Variants in RALYL observed in about 807,000 individuals in gnomAD.
The protein encoded by RALYL is RALY RNA binding protein like.
RALYL carries 29 observed loss-of-function variants against 35.1 expected under a neutral mutation model. That is an observed-to-expected ratio of 0.83 (90% confidence interval 0.61 to 1.13). The LOEUF (loss-of-function observed/expected upper bound fraction) is 1.13, where lower values mean the gene tolerates loss of function less well. Ranked by LOEUF, RALYL falls within the 50% of genes most tolerant of loss-of-function variation. RALYL has a pLI of 0.00. For missense variants in RALYL, 359 were observed against 360.4 expected, an observed-to-expected ratio of 1.00 and a Z score of 0.03; for synonymous variants, 120 against 127.6, an observed-to-expected ratio of 0.94 and a Z score of 0.40.
In RALYL at chr8:84,568,846, C is replaced by T. The variant is rs1357130788; in HGVS notation, c.256+39269C>T. ...ATGTGTTTTTTGGCTGCATAAATGT[C>T]TTCTTTTGAGAAGTGTCTGTTCATA... is the stretch of plus-strand genomic sequence containing the variant. On this transcript the variant is annotated intron_variant, in intron 2 of 8. Transcript: ENST00000521268. 1.7e-3 allele frequency among the ~76,000 whole-genome samples: 260 copies of T among 151,338 alleles called. 1 individual carries two copies. The highest frequency in any genetic ancestry group is 3.4e-3 in the Middle Eastern group (1 of 292).
chr8:84,565,211 G>T (rs141094902), intron 2 of RALYL, among the ~76,000 whole-genome samples: 16 of 151,604 alleles, frequency 1.1e-4, no homozygotes, highest in Admixed American at 9.9e-4. Context: ...AGATTAATTA[G>T]CTAATACTAT....
At chr8:84,625,003 G>C (rs1277833047) in intron 2 of RALYL, among the ~76,000 whole-genome samples, 3 of 152,130 alleles carry the variant, frequency 2.0e-5, no homozygotes, top group Admixed American at 6.5e-5. Context: ...AAGTCACAGA[G>C]TACACAGAAA....
At chr8:84,681,254 C>T (rs568728798) in intron 2 of RALYL, among the ~76,000 whole-genome samples, 2 of 152,140 alleles carry the variant, frequency 1.3e-5, no homozygotes, top group Non-Finnish European at 2.9e-5. Context: ...GTTCCCGTAG[C>T]CTTGTAGTAT....
chr8:84,770,406 T>TCATATATATATACATATATATATATA (rs550466476), intron 2 of RALYL, among the ~76,000 whole-genome samples: 23 of 150,172 alleles, frequency 1.5e-4, no homozygotes, highest in South Asian at 2.1e-4. Context: ...TAGTAGTCCA[T>TCATATATATATACATATATATATATA]CATATATATA....
chr8:84,532,457 T>C (rs2059337526), intron 2 of RALYL, among the ~76,000 whole-genome samples: 1 of 152,058 alleles, frequency 6.6e-6, no homozygotes, highest in Non-Finnish European at 1.5e-5. Flanking sequence ...GATTCCCAAG[T>C]AAACTCTTTC....
chr8:84,467,176 T>G lies in RALYL; in HGVS notation c.-23-62123T>G, dbSNP rs189611123. Among the ~76,000 whole-genome samples, 662 of 152,316 alleles carry G rather than the reference T, an allele frequency of 4.3e-3. 3 individuals carry two copies. Among genetic ancestry groups the G allele is most frequent in the Non-Finnish European group, 7.2e-3 (493 of 68,026 alleles). ...GCTCTGATTTTAGTTATTTCTTGCC[T>G]TCTGCTAGCTTTTGAGTGTGTTTGC... On this transcript the variant is annotated intron_variant, in intron 1 of 8. Transcript: ENST00000521268.
intron 2 of RALYL, among the ~76,000 whole-genome samples, chr8:84,599,339 T>A (rs189350686): frequency 2.3e-3 from 350 of 152,114 alleles, no homozygotes; most frequent in African/African-American, 5.2e-3. Flanking sequence ...TTAGCATTAA[T>A]ATGTCATAGC....
intron 2 of RALYL, among the ~76,000 whole-genome samples, chr8:84,752,836 A>T (rs776736623): frequency 6.6e-6 from 1 of 152,208 alleles, no homozygotes; most frequent in Non-Finnish European, 1.5e-5. Flanking sequence ...GGATGTATGG[A>T]AAAGCCTGGA....
chr8:84,661,080 C>T (rs1048676953), intron 2 of RALYL, among the ~76,000 whole-genome samples: 6 of 152,018 alleles, frequency 3.9e-5, no homozygotes, highest in Non-Finnish European at 5.9e-5. Flanking sequence ...AGGCGCCCCC[C>T]ACCATGCCCG....
chr8:84,208,808 G>A (rs991513184), intron 1 of RALYL, among the ~76,000 whole-genome samples: 4 of 152,126 alleles, frequency 2.6e-5, no homozygotes, highest in African/African-American at 7.2e-5. Context: ...AATTTGGGAA[G>A]TTTTAAATCA....
chr8:84,446,189 T>C (rs2048833050), intron 1 of RALYL, among the ~76,000 whole-genome samples: 1 of 152,062 alleles, frequency 6.6e-6, no homozygotes, highest in Admixed American at 6.6e-5. Context: ...TCTGTTTTTC[T>C]CTGCAAACTA....
intron 5 of RALYL, 89 bp downstream of exon 5, chr8:84,850,116 G>T: frequency 1.6e-6 from 1 of 614,392 alleles, no homozygotes; most frequent in Non-Finnish European, 2.7e-6. Flanking sequence ...TCTTAATTAT[G>T]GTATTTAAAA....
chr8:84,889,295 C>T (rs1563815445), intron 8 of RALYL, among the ~76,000 whole-genome samples: 1 of 152,194 alleles, frequency 6.6e-6, no homozygotes, highest in Non-Finnish European at 1.5e-5. Context: ...TCTCTGCTGT[C>T]AGGATTCCAT....
chr8:84,740,907 CA>C (rs1807141113), intron 2 of RALYL, among the ~76,000 whole-genome samples: 1 of 151,930 alleles, frequency 6.6e-6, no homozygotes, highest in Non-Finnish European at 1.5e-5. Flanking sequence ...ACTAAAGTAC[CA>C]GGTGACATCT....
intron 3 of RALYL, among the ~76,000 whole-genome samples, chr8:84,783,737 A>G (rs752856383): frequency 6.6e-6 from 1 of 152,220 alleles, no homozygotes; most frequent in African/African-American, 2.4e-5. Flanking sequence ...GTATTTAAAA[A>G]AGAAGATGAA....
Position 84,920,932 on chromosome 8 carries a change from C to T in RALYL, c.*21C>T, listed in dbSNP as rs780150658. 7.0e-7 allele frequency: 1 copy of T among 1,429,482 alleles called. No individual in the cohort carries two copies. The highest frequency in any genetic ancestry group is 9.3e-7 in the Non-Finnish European group (1 of 1,071,188). 88.5% of individuals were successfully genotyped at this position (1,429,482 alleles called of 1,614,324 possible). On this transcript the variant is annotated 3_prime_UTR_variant, in exon 9 of 9. Transcript: ENST00000521268. Reference sequence around the variant, plus strand: ...AGTGATCTGAAATAACGCATGATGCCACAAAGCAGAAAAGAGAAACTGTGA... The same window carrying T: ...AGTGATCTGAAATAACGCATGATGCTACAAAGCAGAAAAGAGAAACTGTGA...
intron 3 of RALYL, among the ~76,000 whole-genome samples, chr8:84,796,195 A>C (rs1313798782): frequency 6.6e-6 from 1 of 152,180 alleles, no homozygotes; most frequent in African/African-American, 2.4e-5. Flanking sequence ...GCTTCTTCCC[A>C]TGCTATGCTC....
At chr8:84,656,738 C>G (rs1830027431) in intron 2 of RALYL, among the ~76,000 whole-genome samples, 1 of 151,866 alleles carries the variant, frequency 6.6e-6, no homozygotes, top group Admixed American at 6.6e-5. Flanking sequence ...AAAGCATTAT[C>G]TACCTGAGAT....
chr8:84,604,095 C>A (rs1327324219), intron 2 of RALYL, among the ~76,000 whole-genome samples: 1 of 151,990 alleles, frequency 6.6e-6, no homozygotes, highest in Non-Finnish European at 1.5e-5. Context: ...TTTATCTTAC[C>A]AATTAAAAAT....
Sources: gnomAD v4.1 joint callset for allele counts (sites outside exome capture counted in the v4.1 genomes callset) on GRCh38, gnomAD v4.1.1 for gene constraint, MANE v1.5 for transcripts, NCBI Gene and HGNC (gene_info 2026-07-23, HGNC 2026-07-21) for gene names.